Variants in ACOT7 observed in about 807,000 individuals in gnomAD.
ACOT7 encodes the protein cytosolic acyl coenzyme A thioester hydrolase.
Under a neutral mutation model 40.2 loss-of-function variants are expected in ACOT7, and 12 were observed. The observed-to-expected ratio is 0.30, with a 90% CI of 0.19 to 0.48. The LOEUF is 0.48. ACOT7 is among the 20% of genes least tolerant of loss of function. The pLI, the probability that ACOT7 is intolerant of heterozygous loss-of-function variation, is 0.99. For missense variants in ACOT7, 395 were observed against 530.8 expected, an observed-to-expected ratio of 0.74 and a Z score of 2.51; for synonymous variants, 228 against 219.5, an observed-to-expected ratio of 1.04 and a Z score of -0.34.
intron 2 of ACOT7, among the ~76,000 whole-genome samples, chr1:6,348,392 C>G (rs1395086355): frequency 6.6e-6 from 1 of 152,138 alleles, no homozygotes; most frequent in Non-Finnish European, 1.5e-5. Context: ...GAAACACACC[C>G]TACCCACTGT....
intron 1 of ACOT7, among the ~76,000 whole-genome samples, chr1:6,362,821 G>A (rs1024297927): frequency 8.5e-5 from 13 of 152,074 alleles, no homozygotes; most frequent in African/African-American, 2.7e-4. Flanking sequence ...AGGCTGAGGT[G>A]GGCAGATGGC....
rs1275825025 is a variant in ACOT7, at chr1:6,288,768, G to A, written c.829+6096C>T. Among the ~76,000 whole-genome samples the A allele has an allele frequency of 6.6e-6, 1 of 152,210 alleles. No individual in the cohort carries two copies. Among genetic ancestry groups the A allele is most frequent in the Non-Finnish European group, 1.5e-5 (1 of 68,032 alleles). On this transcript the variant is annotated intron_variant, in intron 7 of 8. Transcript: ENST00000361521. This position sits in a 1 kb window ranked among gnomAD's most constrained non-coding sequence, Gnocchi z 4.3. ...ATGGCCGCGGGTGAGGCCTCTCCCAGCCACGACAAGTGCCCCAAGTTCGTA... is the reference window on the plus strand; with the variant it reads ...ATGGCCGCGGGTGAGGCCTCTCCCAACCACGACAAGTGCCCCAAGTTCGTA...
At chr1:6,290,548 C>T (rs185250458) in intron 7 of ACOT7, among the ~76,000 whole-genome samples, 7 of 152,326 alleles carry the variant, frequency 4.6e-5, no homozygotes, top group Admixed American at 2.0e-4. Flanking sequence ...TTTCCATAAA[C>T]GTATGATTTT....
chr1:6,327,287 C>A lies in ACOT7; in HGVS notation c.625+12G>T. 1.9e-6 allele frequency: 3 copies of A among 1,613,670 alleles called. No individual in the cohort carries two copies. The highest frequency in any genetic ancestry group is 1.3e-5 in the African/African-American group (1 of 75,036). On this transcript the variant is annotated intron_variant, in intron 5 of 8. Coordinates refer to ENST00000361521, the MANE Select transcript of ACOT7 (RefSeq NM_007274.4). ...AGGAGTGGCACCTGCTGCTGGTGTC[C>A]GCGGCTCTTACCTGGGTTGAGGACT...
chr1:6,305,594 C>T lies in ACOT7; in HGVS notation c.713-10614G>A, dbSNP rs866451277. Among the ~76,000 whole-genome samples, 1,400 of 147,758 alleles carry T rather than the reference C, an allele frequency of 9.5e-3. 7 individuals carry two copies. The highest frequency in any genetic ancestry group is 0.044 in the Middle Eastern group (12 of 270). ...GACGCTCCTCACATCCCAGACGGGGCGGCAGGGCAGAGGCGCTCCCCACAT... is the reference window on the plus strand; with the variant it reads ...GACGCTCCTCACATCCCAGACGGGGTGGCAGGGCAGAGGCGCTCCCCACAT... On this transcript the variant is annotated intron_variant, in intron 6 of 8. Transcript: ENST00000361521.
chr1:6,368,789 G>C (rs1022118707), intron 1 of ACOT7, among the ~76,000 whole-genome samples: 1 of 152,160 alleles, frequency 6.6e-6, no homozygotes, highest in Non-Finnish European at 1.5e-5. Flanking sequence ...GGGGAATGCA[G>C]GGCACAGGGG....
At chr1:6,388,259 A>C (rs1381176802) in intron 1 of ACOT7, among the ~76,000 whole-genome samples, 1 of 151,660 alleles carries the variant, frequency 6.6e-6, no homozygotes, top group Non-Finnish European at 1.5e-5. Context: ...ACAGGCGCAC[A>C]CCGCCACGCC....
intron 2 of ACOT7, among the ~76,000 whole-genome samples, chr1:6,344,763 C>CAAAAAAAAAA (rs58594477): frequency 1.1e-4 from 6 of 56,040 alleles, no homozygotes; most frequent in Non-Finnish European, 2.7e-4. Context: ...GACTCTGTCT[C>CAAAAAAAAAA]AAAAAAAAAA....
chr1:6,268,954 G>A (rs1638937646), intron 8 of ACOT7, among the ~76,000 whole-genome samples: 1 of 152,198 alleles, frequency 6.6e-6, no homozygotes, highest in Non-Finnish European at 1.5e-5. Flanking sequence ...GCAGACGAGA[G>A]CCCTCCCACC....
chr1:6,340,255 C>T (rs1035895660), intron 2 of ACOT7, among the ~76,000 whole-genome samples: 2 of 152,126 alleles, frequency 1.3e-5, no homozygotes, highest in African/African-American at 2.4e-5. Flanking sequence ...CATGAGCCAC[C>T]GCGCCCGGCC....
chr1:6,303,917 G>C (rs7520478), intron 6 of ACOT7, among the ~76,000 whole-genome samples: 9,823 of 152,248 alleles, frequency 0.065, 469 homozygotes, highest in Middle Eastern at 0.12. Context: ...AGCAGGGAAG[G>C]GGGGAGGTCT....
At chr1:6,351,331 G>T (rs1000627867) in intron 1 of ACOT7, among the ~76,000 whole-genome samples, 1 of 152,260 alleles carries the variant, frequency 6.6e-6, no homozygotes, top group Non-Finnish European at 1.5e-5. Flanking sequence ...TGACACAGTG[G>T]CCGGGGGATC....
chr1:6,341,098 TG>T (rs1410700272), intron 2 of ACOT7, among the ~76,000 whole-genome samples: 7 of 151,912 alleles, frequency 4.6e-5, no homozygotes, highest in Middle Eastern at 3.4e-3. Context: ...TCATTCAGTA[TG>T]GGAAAAATAA....
rs1641819496 is a variant in ACOT7 at position 6,358,764 on chromosome 1, C to T, written c.144-8898G>A. 3.2e-6 allele frequency: 5 copies of T among 1,542,282 alleles called. No homozygotes were observed. The highest frequency in any genetic ancestry group is 4.5e-6 in the Non-Finnish European group (5 of 1,115,860). The stretch of plus-strand genomic sequence containing the variant: ...CTACCCACCCTTCCCTTCCAAATGT[C>T]CCTAAACAATCCACCCACAGTGGCC... On this transcript the variant is annotated intron_variant, in intron 1 of 8. Transcript: ENST00000361521. This position sits in a 1 kb window ranked among gnomAD's most constrained non-coding sequence, Gnocchi z 4.1.
chr1:6,321,310 G>A (rs916740685), intron 5 of ACOT7, among the ~76,000 whole-genome samples: 5 of 152,144 alleles, frequency 3.3e-5, no homozygotes, highest in Admixed American at 2.6e-4. Flanking sequence ...CAGTTTCCTC[G>A]TAAACTTAGT....
Position 6,350,473 on chromosome 1 carries a change from T to C in ACOT7, c.144-607A>G, listed in dbSNP as rs1199139903. On this transcript the variant is annotated intron_variant, in intron 1 of 8. Transcript: ENST00000361521. The stretch of plus-strand genomic sequence containing the variant: ...AAGGAGCCTCCCAGGTCAGAAGGAA[T>C]GGAAACGCCACCTCACTTCCCCAAA... 5.9e-5 allele frequency among the ~76,000 whole-genome samples: 9 copies of C among 152,264 alleles called. No homozygotes were observed. In the East Asian group the frequency reaches 1.5e-3, roughly 26 times the overall value.
intron 6 of ACOT7, chr1:6,295,221 C>T: frequency 2.3e-6 from 1 of 428,834 alleles, no homozygotes; most frequent in Non-Finnish European, 4.3e-6. Context: ...CAAAACAGCC[C>T]TTTTCCTGTC....
At chr1:6,322,683 CA>C (rs776118104) in intron 5 of ACOT7, among the ~76,000 whole-genome samples, 16 of 152,218 alleles carry the variant, frequency 1.1e-4, no homozygotes, top group Non-Finnish European at 2.1e-4. Flanking sequence ...GACACCAGCC[CA>C]CCCTAATGAC....
intron 1 of ACOT7, among the ~76,000 whole-genome samples, chr1:6,357,557 C>G (rs1641780983): frequency 6.6e-6 from 1 of 152,212 alleles, no homozygotes; most frequent in African/African-American, 2.4e-5. Flanking sequence ...AGTCATAGGG[C>G]TGCAGATGCC....
Sources: allele counts gnomAD v4.1 joint callset (sites outside exome capture counted in the v4.1 genomes callset), GRCh38; gene constraint gnomAD v4.1.1; non-coding constraint Gnocchi (gnomAD v3.1); transcripts MANE v1.5; gene names NCBI Gene and HGNC (gene_info 2026-07-23, HGNC 2026-07-21).